MAGI2: variants seen among roughly 807,000 people sequenced by gnomAD.
MAGI2 encodes the protein membrane associated guanylate kinase, WW and PDZ domain containing 2.
MAGI2 carries 35 observed loss-of-function variants against 133.3 expected under a neutral mutation model. The ratio of observed to expected loss-of-function variants is 0.26; its 90% confidence interval spans 0.20 to 0.35. The LOEUF is 0.35. Ranked by LOEUF, MAGI2 falls within the 10% of genes least tolerant of loss-of-function variation. MAGI2 has a pLI of 1.00. For synonymous variants in MAGI2, 729 were observed against 710.6 expected (o/e 1.03, Z -0.41); for missense variants, 1,636 against 1,863.4 (o/e 0.88, Z 2.25).
intron 1 of MAGI2, among the ~76,000 whole-genome samples, chr7:79,408,150 C>G (rs1017384324): frequency 6.6e-6 from 1 of 152,012 alleles, no homozygotes; most frequent in African/African-American, 2.4e-5. Flanking sequence ...TTTATTACTG[C>G]TAAATGTTTT....
intron 3 of MAGI2, among the ~76,000 whole-genome samples, chr7:78,597,618 T>C (rs1804750363): frequency 6.6e-6 from 1 of 152,194 alleles, no homozygotes; most frequent in African/African-American, 2.4e-5. Flanking sequence ...GGTTTAAATA[T>C]GGGTAGACTC....
chr7:78,289,695 G>T (rs938647731), intron 9 of MAGI2, among the ~76,000 whole-genome samples: 1 of 152,134 alleles, frequency 6.6e-6, no homozygotes, highest in East Asian at 1.9e-4. Context: ...AATGTTAAGG[G>T]CAGCCAGAGA....
At chr7:79,172,411 A>C (rs759468979) in intron 1 of MAGI2, among the ~76,000 whole-genome samples, 3 of 152,078 alleles carry the variant, frequency 2.0e-5, no homozygotes, top group Non-Finnish European at 4.4e-5. Context: ...GGACAAATTC[A>C]GACAAAAGAT....
chr7:79,010,231 ATGTATATGTATGTATGTGTGATACATG>A (rs1355908716), intron 1 of MAGI2, among the ~76,000 whole-genome samples: 1 of 5,852 alleles, frequency 1.7e-4, no homozygotes, highest in Non-Finnish European at 3.2e-4. Flanking sequence ...TGTGATACAT[ATGTATATGTATGTATGTGTGATACATG>A]TGTATATGTA....
chr7:78,590,907 T>C (rs909707905), intron 3 of MAGI2, among the ~76,000 whole-genome samples: 1 of 152,198 alleles, frequency 6.6e-6, no homozygotes, highest in African/African-American at 2.4e-5. Flanking sequence ...GGGTCACTTT[T>C]ATTTCTGAGA....
intron 2 of MAGI2, among the ~76,000 whole-genome samples, chr7:78,779,740 T>C (rs1563496121): frequency 6.6e-6 from 1 of 152,190 alleles, no homozygotes; most frequent in Non-Finnish European, 1.5e-5. Flanking sequence ...CATCAAACCG[T>C]ATTAGTCCAT....
intron 2 of MAGI2, among the ~76,000 whole-genome samples, chr7:78,782,327 C>T (rs1358866468): frequency 6.6e-6 from 1 of 152,228 alleles, no homozygotes; most frequent in Non-Finnish European, 1.5e-5. Flanking sequence ...CTAGCCTCGT[C>T]TTTCCATTCT....
chr7:79,322,204 C>A (rs1056811333), intron 1 of MAGI2, among the ~76,000 whole-genome samples: 1 of 152,064 alleles, frequency 6.6e-6, no homozygotes, highest in African/African-American at 2.4e-5. Flanking sequence ...CCATAGTTTT[C>A]CAATTTTGCA....
At chr7:78,564,256 C>A (rs779141385) in intron 3 of MAGI2, among the ~76,000 whole-genome samples, 1 of 152,108 alleles carries the variant, frequency 6.6e-6, no homozygotes, top group South Asian at 2.1e-4. Context: ...TTCTGCTCAG[C>A]GTTTTAGTAT....
At chr7:79,073,888 C>A (rs959204755) in intron 1 of MAGI2, among the ~76,000 whole-genome samples, 3 of 151,190 alleles carry the variant, frequency 2.0e-5, no homozygotes, top group African/African-American at 7.3e-5. Flanking sequence ...CTTCTTCTTC[C>A]TAACTTCTTT....
chr7:78,244,167 T>TAAAAAAAAAAAA (rs535442682), intron 10 of MAGI2, among the ~76,000 whole-genome samples: 29 of 68,788 alleles, frequency 4.2e-4, no homozygotes, highest in Non-Finnish European at 4.9e-4. Flanking sequence ...CTATTTAAAT[T>TAAAAAAAAAAAA]AAAAAAAAAA....
At chr7:79,136,444 A>G (rs1413566432) in intron 1 of MAGI2, among the ~76,000 whole-genome samples, 1 of 152,230 alleles carries the variant, frequency 6.6e-6, no homozygotes, top group African/African-American at 2.4e-5. Context: ...TTCAAGGACT[A>G]GCACCTTGTC....
chr7:79,007,317 A>G lies in MAGI2; in HGVS notation c.302-111T>C, dbSNP rs113360639. The G allele has an allele frequency of 2.2e-3, 1,403 of 625,164 alleles. 4 individuals are homozygous for G. The highest frequency in any genetic ancestry group is 3.1e-3 in the Non-Finnish European group (1,093 of 355,116). The allele number at this position is 625,164 out of a possible 1,614,324, so 38.7% of individuals were successfully genotyped here. A position where few individuals can be genotyped will look rare whatever the true frequency, so the allele number is the denominator to read the frequency against. ...ACCCATTAAAAAGATGCATTATTTC[A>G]AAGTGTTCTTTTGATCTTCTCAAAC... On this transcript the variant is annotated intron_variant, in intron 1 of 21. Coordinates refer to ENST00000354212, the MANE Select transcript of MAGI2 (RefSeq NM_012301.4).
chr7:79,060,149 T>C (rs551159313), intron 1 of MAGI2, among the ~76,000 whole-genome samples: 2 of 152,114 alleles, frequency 1.3e-5, no homozygotes, highest in East Asian at 3.9e-4. Context: ...TCTTACTAAC[T>C]ATAAGAAAGG....
intron 1 of MAGI2, among the ~76,000 whole-genome samples, chr7:79,099,720 T>C (rs1437101205): frequency 1.3e-5 from 2 of 152,196 alleles, no homozygotes; most frequent in African/African-American, 4.8e-5. Flanking sequence ...AGTGAGAATA[T>C]GCAGTATTTG....
intron 2 of MAGI2, among the ~76,000 whole-genome samples, chr7:78,797,809 C>A (rs1392456650): frequency 6.6e-6 from 1 of 152,002 alleles, no homozygotes; most frequent in African/African-American, 2.4e-5. Flanking sequence ...AGTGGTCAGG[C>A]AAAACTAGAA....
intron 1 of MAGI2, chr7:79,353,519 TCTC>T (rs1474201715): frequency 4.4e-6 from 2 of 454,944 alleles, no homozygotes; most frequent in African/African-American, 4.0e-5. Flanking sequence ...TTTGGAATCA[TCTC>T]CTGCAGCTAT....
intron 20 of MAGI2, among the ~76,000 whole-genome samples, chr7:78,123,300 T>C (rs62461212): frequency 0.12 from 18,218 of 152,160 alleles, 1,389 homozygotes; most frequent in Non-Finnish European, 0.18. Context: ...AGTAGCTCCC[T>C]CTCATACCTC....
At chr7:78,616,022 A>G (rs1807048599) in intron 3 of MAGI2, 1 of 152,212 alleles carries the variant, frequency 6.6e-6, no homozygotes, top group Admixed American at 6.5e-5. Flanking sequence ...TCCATTAATT[A>G]TCCTTAGAAT....
Sources: allele counts gnomAD v4.1 joint callset (sites outside exome capture counted in the v4.1 genomes callset), GRCh38; gene constraint gnomAD v4.1.1; transcripts MANE v1.5; gene names NCBI Gene and HGNC (gene_info 2026-07-23, HGNC 2026-07-21).